The following HPGD variants were observed in gnomAD, a reference collection of about 807,000 sequenced individuals.
HPGD encodes 15-hydroxyprostaglandin dehydrogenase.
A neutral mutation model predicts 30.0 loss-of-function variants in HPGD; 29 were observed. The observed-to-expected ratio is 0.97, with a 90% CI of 0.72 to 1.32. The LOEUF (loss-of-function observed/expected upper bound fraction) is 1.32. HPGD is among the 40% of genes most tolerant of loss of function. The pLI is 0.00. For missense variants in HPGD, 340 were observed against 322.1 expected, an observed-to-expected ratio of 1.06 and a Z score of -0.43; for synonymous variants, 99 against 112.4, an observed-to-expected ratio of 0.88 and a Z score of 0.75.
chr4:174,512,891 A>T (rs1259856379), intron 3 of HPGD, among the ~76,000 whole-genome samples: 1 of 152,212 alleles, frequency 6.6e-6, no homozygotes, highest in Non-Finnish European at 1.5e-5. Context: ...GGTCTTCCAG[A>T]ATTTCCTATT....
Position 174,493,186 on chromosome 4 carries a change from A to T in HPGD, c.627T>A (p.His209Gln). The change falls in exon 6 of 7, where the codon CAT (histidine) becomes CAA (glutamine). Residue 209 changes from histidine to glutamine, a missense_variant. By Grantham distance (24) the His-to-Gln change is conservative (BLOSUM62 0). Transcript: ENST00000296522. ...CATAGTATTTAATCATATCCTTGATATGATCCTTATATTCTATATATTGTC... is the reference window on the plus strand; with the variant it reads ...CATAGTATTTAATCATATCCTTGATTTGATCCTTATATTCTATATATTGTC... ...NMGQYIEYKD[H>Q]IKDMIKYYGI... is the part of the protein sequence containing the mutation. The T allele has an allele frequency of 6.2e-7, 1 of 1,604,450 alleles. No individual in the cohort carries two copies.
At chr4:174,506,635 G>A (rs1735204587) in intron 4 of HPGD, 1 of 152,196 alleles carries the variant, frequency 6.6e-6, no homozygotes, top group Admixed American at 6.5e-5. Flanking sequence ...CAGGGTTGTT[G>A]TGAGGATTAA....
chr4:174,518,385 T>C (rs1226776415), intron 2 of HPGD, among the ~76,000 whole-genome samples: 2 of 152,176 alleles, frequency 1.3e-5, no homozygotes, highest in Non-Finnish European at 1.5e-5. Flanking sequence ...AGTAACTTAA[T>C]GGGGTACATT....
rs886059254 is a variant in HPGD at position 174,491,984 on chromosome 4, G to A, written c.773C>T (p.Thr258Ile). 3 of 1,611,840 alleles carry A rather than the reference G, an allele frequency of 1.9e-6. No homozygotes were observed. The highest frequency in any genetic ancestry group is 2.2e-5 in the South Asian group (2 of 91,030). The part of the protein sequence containing the change: ...SKGIHFQDYD[T>I]TPFQAKTQ ...TTGGGTTTTTGCTTGAAATGGAGTT[G>A]TATCATAGTCTTGAAAATGAATTCC... Residue 258 changes from threonine (T) to isoleucine (I), a missense_variant, in exon 7 of 7, where the codon ACA becomes ATA. By Grantham distance (89) the Thr-to-Ile change is moderately conservative. Coordinates refer to ENST00000296522, the MANE Select transcript of HPGD (RefSeq NM_000860.6).
intron 4 of HPGD, chr4:174,495,921 G>T (rs1734575571): frequency 2.7e-6 from 1 of 370,484 alleles, no homozygotes; most frequent in Non-Finnish European, 5.0e-6. Flanking sequence ...AAAGTAAATG[G>T]TATCTAAAAC....
At chr4:174,497,568 C>CTTTCTTTTT (rs1360019053) in intron 4 of HPGD, among the ~76,000 whole-genome samples, 1,530 of 50,878 alleles carry the variant, frequency 0.03, 382 homozygotes, top group Non-Finnish European at 0.048. Context: ...CTTTTTCTTT[C>CTTTCTTTTT]TTTTTTTTTT....
intron 3 of HPGD, among the ~76,000 whole-genome samples, chr4:174,511,014 T>C (rs184617591): frequency 1.6e-4 from 25 of 152,314 alleles, no homozygotes; most frequent in African/African-American, 5.8e-4. Flanking sequence ...GGCACTGTGC[T>C]GGATATTCAC....
intron 4 of HPGD, among the ~76,000 whole-genome samples, chr4:174,508,480 A>T (rs1363049225): frequency 6.6e-6 from 1 of 152,186 alleles, no homozygotes; most frequent in Non-Finnish European, 1.5e-5. Context: ...ATATTACTGC[A>T]GTAAGATAAC....
intron 2 of HPGD, among the ~76,000 whole-genome samples, chr4:174,519,566 TG>T (rs1357680227): frequency 6.6e-6 from 1 of 152,130 alleles, no homozygotes; most frequent in East Asian, 1.9e-4. Context: ...CCTTAACTGA[TG>T]ACATTCCACC....
intron 4 of HPGD, among the ~76,000 whole-genome samples, chr4:174,502,602 CGA>C (rs1734969926): frequency 2.1e-5 from 3 of 141,684 alleles, no homozygotes; most frequent in Non-Finnish European, 4.5e-5. Flanking sequence ...GGCGTGAACC[CGA>C]AAGGCGGAGC....
At chr4:174,505,001 T>C (rs893791354) in intron 4 of HPGD, among the ~76,000 whole-genome samples, 1 of 152,238 alleles carries the variant, frequency 6.6e-6, no homozygotes, top group African/African-American at 2.4e-5. Flanking sequence ...TGTTTGTATA[T>C]TATGTTTATA....
At chr4:174,502,961 T>C (rs1390786003) in intron 4 of HPGD, among the ~76,000 whole-genome samples, 3 of 152,182 alleles carry the variant, frequency 2.0e-5, no homozygotes, top group Admixed American at 1.3e-4. Flanking sequence ...ATCTCTGTCC[T>C]ATCGAAATCA....
At chr4:174,499,936 A>C (rs1734823248) in intron 4 of HPGD, among the ~76,000 whole-genome samples, 1 of 150,838 alleles carries the variant, frequency 6.6e-6, no homozygotes, top group Admixed American at 6.7e-5. Context: ...AATTCTCTCA[A>C]TTTGTCTCTC....
rs552285344 is a variant in HPGD, at chr4:174,494,151, C to G, written c.499-837G>C. Among the ~76,000 whole-genome samples, 23 of 152,194 alleles carry G rather than the reference C, an allele frequency of 1.5e-4. No individual in the cohort carries two copies. Among genetic ancestry groups the G allele is most frequent in the Non-Finnish European group, 2.5e-4 (17 of 68,012 alleles). On this transcript the variant is annotated intron_variant, in intron 5 of 6. Transcript: ENST00000296522. This position sits in a 1 kb window ranked among gnomAD's most constrained non-coding sequence, Gnocchi z 4.9. ...AGTGTAAGAAGACTGATGTCCTGTACAGAAAATATTTGTGTTAGATAAATT... is the reference window on the plus strand; with the variant it reads ...AGTGTAAGAAGACTGATGTCCTGTAGAGAAAATATTTGTGTTAGATAAATT...
At chr4:174,521,020 A>G (rs1485260043) in intron 2 of HPGD, among the ~76,000 whole-genome samples, 1 of 152,198 alleles carries the variant, frequency 6.6e-6, no homozygotes, top group African/African-American at 2.4e-5. Flanking sequence ...ATAAATGTAC[A>G]TTTGATGTCC....
chr4:174,512,357 C>A (rs1455258331), intron 3 of HPGD, among the ~76,000 whole-genome samples: 1 of 151,908 alleles, frequency 6.6e-6, no homozygotes, highest in Non-Finnish European at 1.5e-5. Flanking sequence ...TTAAATAATT[C>A]TAATAAAATT....
intron 1 of HPGD, 29 bp from the exon 2 acceptor site, chr4:174,522,096 C>A: frequency 6.2e-7 from 1 of 1,614,040 alleles, no homozygotes; most frequent in Non-Finnish European, 8.5e-7. Context: ...GAATCGCGGG[C>A]CTGCGCAGCT....
At chr4:174,510,471 C>T (rs146528035) in intron 3 of HPGD, among the ~76,000 whole-genome samples, 9 of 152,344 alleles carry the variant, frequency 5.9e-5, no homozygotes, top group South Asian at 2.1e-4. Flanking sequence ...ATTGGCACTA[C>T]GCTTTTATTC....
intron 3 of HPGD, among the ~76,000 whole-genome samples, chr4:174,516,130 C>G (rs1472233928): frequency 1.3e-5 from 2 of 152,138 alleles, no homozygotes; most frequent in African/African-American, 2.4e-5. Context: ...AACCCAGCAA[C>G]CCCATTACTG....
Sources: gnomAD v4.1 joint callset for allele counts (sites outside exome capture counted in the v4.1 genomes callset) on GRCh38, gnomAD v4.1.1 for gene constraint, Gnocchi (gnomAD v3.1) non-coding constraint, MANE v1.5 for transcripts, NCBI Gene and HGNC (gene_info 2026-07-23, HGNC 2026-07-21) for gene names.